The following AGAP1 variants were observed in gnomAD, a reference collection of about 807,000 sequenced individuals.
The protein encoded by AGAP1 is ArfGAP with GTPase domain, ankyrin repeat and PH domain 1.
Under a neutral mutation model 105.3 loss-of-function variants are expected in AGAP1, and 29 were observed. The observed-to-expected ratio is 0.28, with a 90% confidence interval of 0.21 to 0.38. The LOEUF is 0.38. Ranked by LOEUF, AGAP1 falls within the 10% of genes least tolerant of loss-of-function variation. The pLI is 1.00. For missense variants in AGAP1, 998 were observed against 1,165.1 expected (o/e 0.86, Z 2.09); for synonymous variants, 509 against 485.9 (o/e 1.05, Z -0.63).
chr2:235,883,085 G>T lies in AGAP1; in HGVS notation c.1051-260G>T, dbSNP rs1025107287. Among the ~76,000 whole-genome samples, 2 of 151,998 alleles carry T rather than the reference G, an allele frequency of 1.3e-5. No individual in the cohort carries two copies. Among genetic ancestry groups the T allele is most frequent in the Admixed American group, 1.3e-4 (2 of 15,246 alleles). ...GATCCTTACACCGTGCCCAGCCTGGGGTTTCTTTCTTTAAAACATTATACC... is the reference window on the plus strand; with the variant it reads ...GATCCTTACACCGTGCCCAGCCTGGTGTTTCTTTCTTTAAAACATTATACC... On this transcript the variant is annotated intron_variant, in intron 9 of 17. Transcript: ENST00000304032. The surrounding 1 kb of genome is among the most constrained non-coding windows in gnomAD (Gnocchi z 4.5).
rs76910320 is a variant in AGAP1 at position 235,810,833 on chromosome 2, CTT to C, written c.1050+3522_1050+3523del. Reference sequence around the variant, plus strand: ...GAGGTTGGTTCAGAGAATTCGGTTTCTTTTTTTTTTTTTTTTTTTTTACTAAT... The same window carrying C: ...GAGGTTGGTTCAGAGAATTCGGTTTCTTTTTTTTTTTTTTTTTTTACTAAT... On this transcript the variant is annotated intron_variant, in intron 9 of 17. Coordinates refer to ENST00000304032, the MANE Select transcript of AGAP1 (RefSeq NM_001037131.3). 2.2e-3 allele frequency among the ~76,000 whole-genome samples: 247 copies of C among 113,100 alleles called. 3 individuals carry two copies. Among genetic ancestry groups the C allele is most frequent in the African/African-American group, 5.1e-3 (145 of 28,412 alleles). 74.2% of individuals were successfully genotyped at this position (113,100 alleles called of 152,430 possible).
At position 236,105,915 on chromosome 2, in the gene AGAP1, A is replaced by G. The variant is rs965304914; in HGVS notation, c.2115-14277A>G. Among the ~76,000 whole-genome samples, 27 of 152,204 alleles carry G rather than the reference A, an allele frequency of 1.8e-4. No homozygotes were observed. Among genetic ancestry groups the G allele is most frequent in the African/African-American group, 6.5e-4 (27 of 41,548 alleles). On this transcript the variant is annotated intron_variant, in intron 16 of 17. Coordinates refer to ENST00000304032, the MANE Select transcript of AGAP1 (RefSeq NM_001037131.3). The surrounding 1 kb of genome is among the most constrained non-coding windows in gnomAD (Gnocchi z 4.2). The stretch of plus-strand genomic sequence containing the variant: ...CCCGGCCCCTCTTGTGCCTCTTCTT[A>G]TAAGAGTGAGAATCCCATTCATGGG...
Position 235,830,676 on chromosome 2 carries a change from C to T in AGAP1, c.1050+23345C>T, listed in dbSNP as rs974265985. Among the ~76,000 whole-genome samples the T allele has an allele frequency of 6.6e-6, 1 of 152,156 alleles. No individual in the cohort carries two copies. The highest frequency in any genetic ancestry group is 2.4e-5 in the African/African-American group (1 of 41,422). On this transcript the variant is annotated intron_variant, in intron 9 of 17. Coordinates refer to ENST00000304032, the MANE Select transcript of AGAP1 (RefSeq NM_001037131.3). The surrounding 1 kb of genome is among the most constrained non-coding windows in gnomAD (Gnocchi z 5.5). ...TTGCACCTTGAGGTTTCTAGGCCAGCCCAGGACGGTGTGCGGCCCCAAGCC... is the reference window on the plus strand; with the variant it reads ...TTGCACCTTGAGGTTTCTAGGCCAGTCCAGGACGGTGTGCGGCCCCAAGCC...
chr2:235,784,835 G>A (rs1462699087), intron 6 of AGAP1, among the ~76,000 whole-genome samples: 1 of 152,122 alleles, frequency 6.6e-6, no homozygotes, highest in Non-Finnish European at 1.5e-5. Context: ...TCACGTATCA[G>A]AAAAGGTAGG....
rs75064991 is a variant in AGAP1, at chr2:235,875,301, A to C, written c.1051-8044A>C. Among the ~76,000 whole-genome samples, 3 of 152,170 alleles carry C rather than the reference A, an allele frequency of 2.0e-5. No individual in the cohort carries two copies. The highest frequency in any genetic ancestry group is 6.5e-5 in the Admixed American group (1 of 15,272). On this transcript the variant is annotated intron_variant, in intron 9 of 17. Transcript: ENST00000304032. This position sits in a 1 kb window ranked among gnomAD's most constrained non-coding sequence, Gnocchi z 4.0. ...TGTAATAAAATCGATGGTATTTTAA[A>C]TTGTTGGGATGAACAAGCACTTTGG... is the stretch of plus-strand genomic sequence containing the variant.
intron 9 of AGAP1, among the ~76,000 whole-genome samples, chr2:235,850,296 T>A (rs1962039324): frequency 6.6e-6 from 1 of 152,224 alleles, no homozygotes; most frequent in African/African-American, 2.4e-5. Context: ...CTAAATGCAA[T>A]GGAAATCTCC....
rs1398019658 is a variant in AGAP1, at chr2:235,704,989, TTTTTTTTG to T, written c.164-4189_164-4182del. The stretch of plus-strand genomic sequence containing the variant: ...TTTTTCTTTTTTTTTTTTTTTTTTT[TTTTTTTTG>T]CGACAGAGTCTCACTCTGTTGCCCA... On this transcript the variant is annotated intron_variant, in intron 1 of 17. Transcript: ENST00000304032. Among the ~76,000 whole-genome samples the T allele has an allele frequency of 1.4e-3, 150 of 107,830 alleles. 2 individuals carry two copies. The highest frequency in any genetic ancestry group is 5.5e-3 in the African/African-American group (144 of 26,012). 70.7% of individuals were successfully genotyped at this position (107,830 alleles called of 152,430 possible).
In AGAP1 at chr2:235,517,782, C is replaced by CAA. The variant is rs1436427469; in HGVS notation, c.163+22937_163+22938dup. On this transcript the variant is annotated intron_variant, in intron 1 of 17. Coordinates refer to ENST00000304032, the MANE Select transcript of AGAP1 (RefSeq NM_001037131.3). The surrounding 1 kb of genome is among the most constrained non-coding windows in gnomAD (Gnocchi z 4.1). ...TGAAACCCCGTTTCTACTAAAAATACAAAAATTAGTCAGACATGGTGGCGT... is the reference window on the plus strand; with the variant it reads ...TGAAACCCCGTTTCTACTAAAAATACAAAAAAATTAGTCAGACATGGTGGCGT... 1.3e-5 allele frequency among the ~76,000 whole-genome samples: 2 copies of CAA among 151,838 alleles called. No homozygotes were observed. Among genetic ancestry groups the CAA allele is most frequent in the African/African-American group, 4.8e-5 (2 of 41,340 alleles).
intron 1 of AGAP1, among the ~76,000 whole-genome samples, chr2:235,498,697 A>G (rs1486772752): frequency 1.3e-5 from 2 of 152,198 alleles, no homozygotes; most frequent in African/African-American, 4.8e-5. Flanking sequence ...GTGATAGCCC[A>G]GCCAGCTCAT....
intron 15 of AGAP1, 58 bp from the exon 16 acceptor site, chr2:236,049,001 G>A (rs1453957547): frequency 1.4e-5 from 21 of 1,486,962 alleles, no homozygotes; most frequent in African/African-American, 8.3e-5. Context: ...TTCTAAGAAC[G>A]GTTGGAATGA....
intron 9 of AGAP1, among the ~76,000 whole-genome samples, chr2:235,844,345 G>A (rs1334157947): frequency 6.6e-6 from 1 of 152,200 alleles, no homozygotes; most frequent in African/African-American, 2.4e-5. Context: ...ACCCACAGGG[G>A]CAGCCGTCCC....
chr2:235,898,299 T>G (rs2050903509), intron 10 of AGAP1, among the ~76,000 whole-genome samples: 1 of 152,164 alleles, frequency 6.6e-6, no homozygotes. Flanking sequence ...TTTTTCCCCC[T>G]TCTTTTTTTC....
chr2:236,102,222 C>T (rs538829502), intron 16 of AGAP1, among the ~76,000 whole-genome samples: 7 of 152,034 alleles, frequency 4.6e-5, no homozygotes, highest in Non-Finnish European at 8.8e-5. Context: ...TCGAGACCAT[C>T]CTGGCTAACA....
chr2:235,632,173 T>G (rs1393015213), intron 1 of AGAP1, among the ~76,000 whole-genome samples: 1 of 152,246 alleles, frequency 6.6e-6, no homozygotes, highest in Non-Finnish European at 1.5e-5. Context: ...ATCTGCAAGA[T>G]CCAGAGCTTA....
chr2:235,887,794 G>A lies in AGAP1; in HGVS notation c.1155+4345G>A, dbSNP rs2050339788. Among the ~76,000 whole-genome samples the A allele has an allele frequency of 6.6e-6, 1 of 152,242 alleles. No homozygotes were observed. The highest frequency in any genetic ancestry group is 1.5e-5 in the Non-Finnish European group (1 of 68,048). The stretch of plus-strand genomic sequence containing the variant: ...CTAATTTAAGAAGCCCAGGTAATTA[G>A]TGGACTAAAAAGGAAACTAGCATGC... On this transcript the variant is annotated intron_variant, in intron 10 of 17. Transcript: ENST00000304032. The surrounding 1 kb of genome is among the most constrained non-coding windows in gnomAD (Gnocchi z 4.1).
intron 1 of AGAP1, among the ~76,000 whole-genome samples, chr2:235,592,022 T>A (rs751246481): frequency 1.6e-4 from 25 of 152,218 alleles, no homozygotes; most frequent in Admixed American, 1.3e-3. Context: ...ACCTCTTTTC[T>A]TTATAAATTA....
At position 235,766,907 on chromosome 2, in the gene AGAP1, A is replaced by ATT. The variant is rs71036292; in HGVS notation, c.673+16440_673+16441dup. On this transcript the variant is annotated intron_variant, in intron 6 of 17. Coordinates refer to ENST00000304032, the MANE Select transcript of AGAP1 (RefSeq NM_001037131.3). ...TATGTGCGTGCCACCACACCGGCTA[A>ATT]TTTTTTTTTTTTTTTTTTTTTTGTG... 7.2e-3 allele frequency among the ~76,000 whole-genome samples: 794 copies of ATT among 109,876 alleles called. 14 individuals carry two copies. Among genetic ancestry groups the ATT allele is most frequent in the Admixed American group, 0.01 (98 of 9,560 alleles). The allele number at this position is 109,876 out of a possible 152,430, so 72.1% of individuals were successfully genotyped here.
rs1408305130 is a variant in AGAP1, at chr2:235,660,153, G to C, written c.164-49026G>C. 6.6e-6 allele frequency among the ~76,000 whole-genome samples: 1 copy of C among 152,160 alleles called. No individual in the cohort carries two copies. The highest frequency in any genetic ancestry group is 1.5e-5 in the Non-Finnish European group (1 of 68,034). ...GGGAGGGAGGGACAGGCTTTCTCAG[G>C]GGGGCGGCCACCCAAGATCAGCTGC... On this transcript the variant is annotated intron_variant, in intron 1 of 17. Transcript: ENST00000304032. This position sits in a 1 kb window ranked among gnomAD's most constrained non-coding sequence, Gnocchi z 5.3.
intron 6 of AGAP1, among the ~76,000 whole-genome samples, chr2:235,762,506 G>A (rs1395738658): frequency 6.6e-6 from 1 of 152,090 alleles, no homozygotes; most frequent in Non-Finnish European, 1.5e-5. Context: ...ATGCACTGAC[G>A]GCCTTAGGAG....
Sources: allele counts gnomAD v4.1 joint callset (sites outside exome capture counted in the v4.1 genomes callset), GRCh38; gene constraint gnomAD v4.1.1; non-coding constraint Gnocchi (gnomAD v3.1); transcripts MANE v1.5; gene names NCBI Gene and HGNC (gene_info 2026-07-23, HGNC 2026-07-21).